Variants in FARP1 observed in about 807,000 individuals in gnomAD.
FARP1 encodes FERM, ARH/RhoGEF and pleckstrin domain protein 1, also known as FERM, ARHGEF and pleckstrin domain-containing protein 1.
A neutral mutation model predicts 128.8 loss-of-function variants in FARP1; 52 were observed. That is an observed-to-expected ratio of 0.40 (90% CI 0.32 to 0.51). The LOEUF (loss-of-function observed/expected upper bound fraction) is 0.51. Among genes scored for constraint, FARP1 ranks in the 20% least tolerant of loss-of-function variants. The pLI is 0.45. For synonymous variants in FARP1, 580 were observed against 551.8 expected (o/e 1.05, Z -0.72); for missense variants, 1,333 against 1,367.9 (o/e 0.97, Z 0.40).
At chr13:98,308,991 A>G (rs143869134) in intron 2 of FARP1, among the ~76,000 whole-genome samples, 103 of 150,988 alleles carry the variant, frequency 6.8e-4, no homozygotes, top group African/African-American at 2.4e-3. Flanking sequence ...AATAGGTATA[A>G]TTTTATATTA....
chr13:98,382,918 G>A (rs1889944516), intron 6 of FARP1, among the ~76,000 whole-genome samples: 1 of 152,208 alleles, frequency 6.6e-6, no homozygotes, highest in African/African-American at 2.4e-5. Flanking sequence ...GCAAATGTGT[G>A]TTAGGTAAGC....
intron 2 of FARP1, among the ~76,000 whole-genome samples, chr13:98,276,228 C>G (rs1488264461): frequency 6.6e-6 from 1 of 152,120 alleles, no homozygotes; most frequent in Non-Finnish European, 1.5e-5. Context: ...ATGCTAAGAA[C>G]AAGACCCATT....
chr13:98,216,524 A>G (rs547558828), intron 2 of FARP1, among the ~76,000 whole-genome samples: 1 of 152,254 alleles, frequency 6.6e-6, no homozygotes, highest in African/African-American at 2.4e-5. Flanking sequence ...TCCTTTGGGG[A>G]TGACTGGTGT....
At position 98,314,431 on chromosome 13, in the gene FARP1, C is replaced by CT. The variant is rs1886634378; in HGVS notation, c.172-29331_172-29330insT. Among the ~76,000 whole-genome samples, 4 of 151,990 alleles carry CT rather than the reference C, an allele frequency of 2.6e-5. No homozygotes were observed. In the South Asian group the frequency reaches 6.3e-4, roughly 24 times the overall value. On this transcript the variant is annotated intron_variant, in intron 2 of 26. Transcript: ENST00000319562. ...AGTAGCTGGGACTACAGGCGTGTGC[C>CT]ACCATGCCCAGCTAATTTTTGTATT...
intron 1 of FARP1, among the ~76,000 whole-genome samples, chr13:98,146,290 G>T (rs1027159356): frequency 1.3e-5 from 2 of 152,132 alleles, no homozygotes; most frequent in African/African-American, 4.8e-5. Flanking sequence ...GTGCAATGGC[G>T]CAATCTCGGC....
intron 2 of FARP1, among the ~76,000 whole-genome samples, chr13:98,293,234 T>C (rs181789793): frequency 2.0e-5 from 3 of 152,290 alleles, no homozygotes; most frequent in African/African-American, 7.2e-5. Context: ...GTTATCATGC[T>C]TTGGCTGAGA....
intron 2 of FARP1, among the ~76,000 whole-genome samples, chr13:98,278,172 A>AGT (rs58097403): frequency 0.23 from 34,822 of 149,898 alleles, 4,556 homozygotes; most frequent in South Asian, 0.45. Context: ...TGAGTGAGTG[A>AGT]GTGTGTGTGT....
At chr13:98,152,878 G>A (rs1223800778) in intron 1 of FARP1, among the ~76,000 whole-genome samples, 2 of 152,066 alleles carry the variant, frequency 1.3e-5, no homozygotes, top group Non-Finnish European at 2.9e-5. Flanking sequence ...TGAATTTCGC[G>A]TCCTTTTAAG....
intron 2 of FARP1, among the ~76,000 whole-genome samples, chr13:98,265,310 A>ATTTTTT (rs1294292458): frequency 1.9e-5 from 1 of 51,606 alleles, no homozygotes; most frequent in African/African-American, 9.6e-5. Flanking sequence ...CTCCTTCCTG[A>ATTTTTT]ATTTTTTTTT....
intron 5 of FARP1, among the ~76,000 whole-genome samples, chr13:98,372,096 T>C (rs956033725): frequency 6.9e-6 from 1 of 145,940 alleles, no homozygotes; most frequent in South Asian, 2.3e-4. Flanking sequence ...TTTTTTTTTT[T>C]TTTTTTTGGC....
At chr13:98,205,430 T>C (rs532245835) in intron 1 of FARP1, among the ~76,000 whole-genome samples, 3 of 152,224 alleles carry the variant, frequency 2.0e-5, no homozygotes, top group Non-Finnish European at 2.9e-5. Flanking sequence ...TCTCACTCTG[T>C]CACCCAGGCT....
rs1880855999 is a variant in FARP1 at position 98,213,425 on chromosome 13, G to A, written c.171+12G>A. ...CATTTGAAGTTCCAGTAAGTTGGGG[G>A]CTTATCTGTAACCCAGGAGTGTGGT... On this transcript the variant is annotated intron_variant, in intron 2 of 26. Transcript: ENST00000319562. 6.2e-7 allele frequency: 1 copy of A among 1,612,048 alleles called. No homozygotes were observed. Among genetic ancestry groups the A allele is most frequent in the South Asian group, 1.1e-5 (1 of 90,808 alleles).
intron 1 of FARP1, among the ~76,000 whole-genome samples, chr13:98,149,471 T>C (rs1875817725): frequency 6.6e-6 from 1 of 152,192 alleles, no homozygotes; most frequent in Non-Finnish European, 1.5e-5. Flanking sequence ...CCTGGGTCTT[T>C]AAGTGTGTGC....
intron 1 of FARP1, among the ~76,000 whole-genome samples, chr13:98,164,704 C>T (rs1877119308): frequency 6.6e-6 from 1 of 152,158 alleles, no homozygotes; most frequent in Admixed American, 6.5e-5. Context: ...CCTCCACCAT[C>T]TAATGTGTAA....
chr13:98,296,470 A>G (rs1399978717), intron 2 of FARP1, among the ~76,000 whole-genome samples: 2 of 151,506 alleles, frequency 1.3e-5, no homozygotes, highest in Admixed American at 6.6e-5. Flanking sequence ...CAGAGTGGAC[A>G]TGGGCATCCT....
intron 2 of FARP1, chr13:98,333,143 T>A (rs1243408977): frequency 6.6e-6 from 1 of 152,230 alleles, no homozygotes; most frequent in Non-Finnish European, 1.5e-5. Context: ...TCCTACTTTC[T>A]ACAAGCAGTC....
chr13:98,200,052 C>T (rs1879831494), intron 1 of FARP1, among the ~76,000 whole-genome samples: 1 of 152,044 alleles, frequency 6.6e-6, no homozygotes, highest in Non-Finnish European at 1.5e-5. Context: ...TGTGCTCTAC[C>T]GAATCAGTGA....
At chr13:98,353,618 T>TC (rs1888524949) in intron 3 of FARP1, among the ~76,000 whole-genome samples, 1 of 152,176 alleles carries the variant, frequency 6.6e-6, no homozygotes, top group Non-Finnish European at 1.5e-5. Flanking sequence ...CCTCAGGTGA[T>TC]CCACCTGCCT....
At chr13:98,412,174 A>AT (rs1746554950) in intron 16 of FARP1, 140 bp downstream of exon 16, 7 of 790,650 alleles carry the variant, frequency 8.9e-6, no homozygotes, top group Non-Finnish European at 1.4e-5. Context: ...CCTTCAAATG[A>AT]TTTTCAGTTA....
Sources: gnomAD v4.1 joint callset for allele counts (sites outside exome capture counted in the v4.1 genomes callset) on GRCh38, gnomAD v4.1.1 for gene constraint, MANE v1.5 for transcripts, NCBI Gene and HGNC (gene_info 2026-07-23, HGNC 2026-07-21) for gene names.